SLAIN2: variants seen among roughly 807,000 people sequenced by gnomAD.
SLAIN2 encodes SLAIN family member 2.
Under a neutral mutation model 56.6 loss-of-function variants are expected in SLAIN2, and 31 were observed. The ratio of observed to expected loss-of-function variants is 0.55; its 90% CI spans 0.41 to 0.74. The LOEUF is 0.74. SLAIN2 is among the 30% of genes least tolerant of loss of function. The pLI is 0.00. For synonymous variants in SLAIN2, 317 were observed against 284.9 expected (o/e 1.11, Z -1.13); for missense variants, 777 against 754.2 (o/e 1.03, Z -0.35).
At chr4:48,360,024 C>T (rs1014469232) in intron 1 of SLAIN2, among the ~76,000 whole-genome samples, 7 of 151,818 alleles carry the variant, frequency 4.6e-5, no homozygotes, top group South Asian at 4.2e-4. Flanking sequence ...CATGGTAGTG[C>T]GCACCTATAA....
intron 6 of SLAIN2, among the ~76,000 whole-genome samples, chr4:48,412,033 A>G (rs911177124): frequency 6.6e-6 from 1 of 152,134 alleles, no homozygotes; most frequent in Non-Finnish European, 1.5e-5. Flanking sequence ...AAATTACACC[A>G]ATGCCGGTAC....
chr4:48,414,712 C>T (rs577057706), intron 6 of SLAIN2, among the ~76,000 whole-genome samples: 16 of 109,564 alleles, frequency 1.5e-4, no homozygotes, highest in African/African-American at 5.4e-4. Flanking sequence ...TCCCCCCTCC[C>T]CCGACCCCAC....
At chr4:48,373,825 G>A (rs1378690872) in intron 2 of SLAIN2, among the ~76,000 whole-genome samples, 1 of 152,152 alleles carries the variant, frequency 6.6e-6, no homozygotes, top group African/African-American at 2.4e-5. Flanking sequence ...CGGATCACCT[G>A]AGGTTGGGAG....
chr4:48,360,708 T>C (rs1715303346), intron 1 of SLAIN2, among the ~76,000 whole-genome samples: 2 of 152,246 alleles, frequency 1.3e-5, no homozygotes, highest in Non-Finnish European at 2.9e-5. Flanking sequence ...AATTTAGTTT[T>C]ATAGTATTTT....
At chr4:48,400,750 A>G (rs1210412328) in intron 6 of SLAIN2, among the ~76,000 whole-genome samples, 2 of 152,036 alleles carry the variant, frequency 1.3e-5, no homozygotes, top group Non-Finnish European at 2.9e-5. Context: ...TTAATTAAAA[A>G]AAAAGCTTCT....
Position 48,420,187 on chromosome 4 carries a change from G to A in SLAIN2, c.1423G>A (p.Val475Met), listed in dbSNP as rs2109791265. The change falls in exon 7 of 8, where the codon GTG (valine) becomes ATG (methionine). Residue 475 changes from valine (V) to methionine (M), a missense_variant. Coordinates refer to ENST00000264313, the MANE Select transcript of SLAIN2 (RefSeq NM_020846.2). ...APSPLALRQP[V>M]KAFSNHGSGS... ...ATCTCCTTTGGCTCTTCGGCAACCA[G>A]TGAAAGCATTTAGTAACCATGGCTC... 6.2e-7 allele frequency: 1 copy of A among 1,613,938 alleles called. No homozygotes were observed. Among genetic ancestry groups the A allele is most frequent in the Non-Finnish European group, 8.5e-7 (1 of 1,179,872 alleles).
intron 6 of SLAIN2, among the ~76,000 whole-genome samples, chr4:48,390,968 C>T (rs1234145103): frequency 2.6e-5 from 4 of 152,160 alleles, no homozygotes; most frequent in Non-Finnish European, 5.9e-5. Context: ...TCTTAAAATT[C>T]CATCCTCCAG....
intron 6 of SLAIN2, among the ~76,000 whole-genome samples, chr4:48,392,539 A>C (rs1332319943): frequency 1.3e-5 from 2 of 152,060 alleles, no homozygotes; most frequent in African/African-American, 4.8e-5. Flanking sequence ...CATTTATTCC[A>C]CCCAACAACT....
chr4:48,378,980 G>GT (rs565536434), intron 3 of SLAIN2, among the ~76,000 whole-genome samples: 8 of 152,126 alleles, frequency 5.3e-5, no homozygotes, highest in Non-Finnish European at 1.2e-4. Flanking sequence ...GAAAACAAGT[G>GT]TTTCAGATAA....
At chr4:48,373,735 T>C (rs1346726570) in intron 2 of SLAIN2, among the ~76,000 whole-genome samples, 21 of 152,104 alleles carry the variant, frequency 1.4e-4, no homozygotes, top group Middle Eastern at 3.2e-3. Flanking sequence ...TCAGAACAAC[T>C]TAAGTGTGCT....
At chr4:48,393,131 G>A (rs1263280041) in intron 6 of SLAIN2, among the ~76,000 whole-genome samples, 5 of 151,842 alleles carry the variant, frequency 3.3e-5, no homozygotes, top group African/African-American at 4.8e-5. Flanking sequence ...CCAGCACTTC[G>A]GGATGCCAAG....
At chr4:48,371,034 C>T (rs1393668900) in intron 2 of SLAIN2, among the ~76,000 whole-genome samples, 1 of 151,652 alleles carries the variant, frequency 6.6e-6, no homozygotes, top group African/African-American at 2.4e-5. Context: ...GAATCTGGGT[C>T]AGTTTTGACA....
At chr4:48,392,208 A>C (rs917577467) in intron 6 of SLAIN2, among the ~76,000 whole-genome samples, 1 of 152,162 alleles carries the variant, frequency 6.6e-6, no homozygotes, top group Non-Finnish European at 1.5e-5. Context: ...AAAATCGTTC[A>C]TTTCATTCTT....
chr4:48,363,368 G>A (rs1271616035), intron 1 of SLAIN2, among the ~76,000 whole-genome samples: 2 of 79,478 alleles, frequency 2.5e-5, no homozygotes, highest in East Asian at 3.6e-4. Context: ...CCTCCCGGAC[G>A]GGGCGGCTGG....
At position 48,396,422 on chromosome 4, in the gene SLAIN2, A is replaced by G. The variant is rs1205630426; in HGVS notation, c.1360+12638A>G. ...CTCTGTAAATTTTTAACCAGTTGAG[A>G]AATGGACACAGATATAAGGTAAGAT... On this transcript the variant is annotated intron_variant, in intron 6 of 7. Coordinates refer to ENST00000264313, the MANE Select transcript of SLAIN2 (RefSeq NM_020846.2). Among the ~76,000 whole-genome samples the G allele has an allele frequency of 2.0e-5, 3 of 152,322 alleles. No homozygotes were observed. In the East Asian group the frequency reaches 5.8e-4, roughly 29 times the overall value.
intron 6 of SLAIN2, among the ~76,000 whole-genome samples, chr4:48,397,227 C>T (rs935728776): frequency 6.6e-6 from 1 of 152,108 alleles, no homozygotes. Flanking sequence ...TTCTTAGTTG[C>T]CTCTTTCCTT....
chr4:48,394,302 C>T (rs1716319871), intron 6 of SLAIN2, among the ~76,000 whole-genome samples: 1 of 152,078 alleles, frequency 6.6e-6, no homozygotes, highest in South Asian at 2.1e-4. Context: ...TTTGTTTTCT[C>T]TTTGATATTT....
At chr4:48,388,894 A>G (rs948616740) in intron 6 of SLAIN2, among the ~76,000 whole-genome samples, 1 of 152,224 alleles carries the variant, frequency 6.6e-6, no homozygotes, top group African/African-American at 2.4e-5. Flanking sequence ...AATACAGAGT[A>G]TACCCCAGAG....
At chr4:48,407,158 A>G (rs1444369917) in intron 6 of SLAIN2, among the ~76,000 whole-genome samples, 1 of 151,802 alleles carries the variant, frequency 6.6e-6, no homozygotes, top group Non-Finnish European at 1.5e-5. Context: ...CTTGTTTCTA[A>G]TATTTGTTGC....
Sources: allele counts gnomAD v4.1 joint callset (sites outside exome capture counted in the v4.1 genomes callset), GRCh38; gene constraint gnomAD v4.1.1; transcripts MANE v1.5; gene names NCBI Gene and HGNC (gene_info 2026-07-23, HGNC 2026-07-21).